Variants in LRRTM4 observed in about 807,000 individuals in gnomAD.
LRRTM4 encodes leucine rich repeat transmembrane neuronal 4.
A neutral mutation model predicts 47.6 loss-of-function variants in LRRTM4; 25 were observed. That is an observed-to-expected ratio of 0.53 (90% CI 0.38 to 0.73). The LOEUF is 0.73. LRRTM4 is among the 30% of genes least tolerant of loss of function. The pLI is 0.00. For synonymous variants in LRRTM4, 311 were observed against 269.5 expected, an observed-to-expected ratio of 1.15 and a Z score of -1.51; for missense variants, 638 against 713.4, an observed-to-expected ratio of 0.89 and a Z score of 1.20.
chr2:76,899,917 T>C (rs757309966), intron 3 of LRRTM4, among the ~76,000 whole-genome samples: 8 of 152,122 alleles, frequency 5.3e-5, no homozygotes, highest in Non-Finnish European at 7.4e-5. Context: ...ATCTTGAATA[T>C]TGTTTAATAA....
Position 77,266,149 on chromosome 2 carries a change from G to T in LRRTM4, c.1551+252169C>A, listed in dbSNP as rs1676042801. On this transcript the variant is annotated intron_variant, in intron 3 of 3. Transcript: ENST00000409884. Reference sequence around the variant, plus strand: ...GAGTAGTTACCGCAGAGATCATATGGCTCACAAAGCCTTAAAGAATTACTA... The same window carrying T: ...GAGTAGTTACCGCAGAGATCATATGTCTCACAAAGCCTTAAAGAATTACTA... 2.6e-5 allele frequency among the ~76,000 whole-genome samples: 4 copies of T among 152,108 alleles called. No homozygotes were observed. The South Asian group carries it at 8.3e-4, about 31-fold the overall frequency.
intron 3 of LRRTM4, among the ~76,000 whole-genome samples, chr2:76,906,371 A>T (rs7601619): frequency 2.0e-5 from 3 of 151,892 alleles, no homozygotes; most frequent in Non-Finnish European, 4.4e-5. Flanking sequence ...AGGAACAACC[A>T]GTACCAGATG....
At chr2:77,029,128 A>G (rs1295537506) in intron 3 of LRRTM4, among the ~76,000 whole-genome samples, 3 of 149,738 alleles carry the variant, frequency 2.0e-5, no homozygotes, top group Non-Finnish European at 4.4e-5. Flanking sequence ...CTTTGCAGAC[A>G]GTAGAATCTA....
At chr2:77,421,363 A>G (rs547790239) in intron 3 of LRRTM4, among the ~76,000 whole-genome samples, 84 of 152,252 alleles carry the variant, frequency 5.5e-4, no homozygotes, top group African/African-American at 2.0e-3. Flanking sequence ...GCAATGTCTT[A>G]GATACCATTT....
chr2:76,986,473 G>A (rs1358846518), intron 3 of LRRTM4, among the ~76,000 whole-genome samples: 2 of 151,814 alleles, frequency 1.3e-5, no homozygotes, highest in African/African-American at 4.8e-5. Flanking sequence ...CTTTTTGGAG[G>A]TCTTCTCTTC....
At chr2:77,055,092 T>C (rs1377381531) in intron 3 of LRRTM4, among the ~76,000 whole-genome samples, 1 of 152,100 alleles carries the variant, frequency 6.6e-6, no homozygotes, top group Non-Finnish European at 1.5e-5. Context: ...CAGAAGAGGA[T>C]ACTGACTCCG....
At chr2:77,180,819 A>T (rs551014679) in intron 3 of LRRTM4, among the ~76,000 whole-genome samples, 1 of 152,246 alleles carries the variant, frequency 6.6e-6, no homozygotes, top group East Asian at 1.9e-4. Flanking sequence ...GTGAATCTGG[A>T]AGGTTACAGA....
intron 3 of LRRTM4, among the ~76,000 whole-genome samples, chr2:77,130,755 C>T (rs1284794642): frequency 6.6e-6 from 1 of 150,916 alleles, no homozygotes; most frequent in African/African-American, 2.4e-5. Flanking sequence ...TCATGATCCG[C>T]CCACCTCGGC....
At chr2:77,227,644 A>C (rs1037307629) in intron 3 of LRRTM4, among the ~76,000 whole-genome samples, 1 of 152,092 alleles carries the variant, frequency 6.6e-6, no homozygotes, top group Non-Finnish European at 1.5e-5. Flanking sequence ...GGCCTGGCAC[A>C]TAGTAGGGGT....
At chr2:76,791,261 A>G (rs954595375) in intron 3 of LRRTM4, among the ~76,000 whole-genome samples, 3 of 152,240 alleles carry the variant, frequency 2.0e-5, no homozygotes, top group Non-Finnish European at 4.4e-5. Context: ...AAGGCTTCAC[A>G]GAGCACCTTA....
chr2:77,039,722 T>A (rs1678961075), intron 3 of LRRTM4, among the ~76,000 whole-genome samples: 1 of 151,300 alleles, frequency 6.6e-6, no homozygotes, highest in Non-Finnish European at 1.5e-5. Context: ...AATGTTCCCT[T>A]TTTTCATGTT....
chr2:77,442,733 C>G (rs1053291613), intron 3 of LRRTM4, among the ~76,000 whole-genome samples: 2 of 152,180 alleles, frequency 1.3e-5, no homozygotes, highest in African/African-American at 4.8e-5. Context: ...GCAACAAAAG[C>G]TACTTTTCTT....
At chr2:76,784,011 C>T (rs1674535669) in intron 3 of LRRTM4, among the ~76,000 whole-genome samples, 3 of 151,984 alleles carry the variant, frequency 2.0e-5, no homozygotes, top group Non-Finnish European at 2.9e-5. Flanking sequence ...CTTGAATTTT[C>T]TATGTTTTAT....
chr2:77,310,889 T>C (rs987088047), intron 3 of LRRTM4, among the ~76,000 whole-genome samples: 1 of 151,782 alleles, frequency 6.6e-6, no homozygotes, highest in South Asian at 2.1e-4. Flanking sequence ...ATATTGTGAG[T>C]GTGGTGTGTG....
chr2:77,368,474 C>T (rs1672538497), intron 3 of LRRTM4, among the ~76,000 whole-genome samples: 1 of 151,638 alleles, frequency 6.6e-6, no homozygotes, highest in African/African-American at 2.4e-5. Flanking sequence ...CTTGATTAGC[C>T]TTCATTTAAT....
At chr2:76,813,205 C>T (rs778785822) in intron 3 of LRRTM4, among the ~76,000 whole-genome samples, 2 of 152,052 alleles carry the variant, frequency 1.3e-5, no homozygotes, top group African/African-American at 2.4e-5. Flanking sequence ...AGGAGGAATA[C>T]ATGTATATGT....
intron 3 of LRRTM4, among the ~76,000 whole-genome samples, chr2:77,035,665 T>G (rs1332882188): frequency 6.6e-6 from 1 of 151,928 alleles, no homozygotes; most frequent in Non-Finnish European, 1.5e-5. Flanking sequence ...ATTGACTTTT[T>G]TCACTCAGCA....
Position 76,974,187 on chromosome 2 carries a change from C to CATAT in LRRTM4, c.1552-225275_1552-225272dup, listed in dbSNP as rs577436565. On this transcript the variant is annotated intron_variant, in intron 3 of 3. Transcript: ENST00000409884. ...ATATATACATACATATATATACATA[C>CATAT]ATATATATACATATATATATATACA... 4.3e-3 allele frequency among the ~76,000 whole-genome samples: 462 copies of CATAT among 107,710 alleles called. 6 individuals are homozygous for CATAT. Among genetic ancestry groups the CATAT allele is most frequent in the African/African-American group, 0.015 (439 of 28,868 alleles). The allele number at this position is 107,710 out of a possible 152,430, so 70.7% of individuals were successfully genotyped here. A position where few individuals can be genotyped will look rare whatever the true frequency, so the allele number is the denominator to read the frequency against.
intron 3 of LRRTM4, among the ~76,000 whole-genome samples, chr2:77,260,329 AT>A (rs1316315499): frequency 3.3e-5 from 5 of 151,816 alleles, no homozygotes; most frequent in African/African-American, 1.2e-4. Flanking sequence ...ATTTTCTCTA[AT>A]ACTTCACCTA....
Sources: gnomAD v4.1 joint callset for allele counts (sites outside exome capture counted in the v4.1 genomes callset) on GRCh38, gnomAD v4.1.1 for gene constraint, MANE v1.5 for transcripts, NCBI Gene and HGNC (gene_info 2026-07-23, HGNC 2026-07-21) for gene names.